The following SYNPR variants were observed in gnomAD, a reference collection of about 807,000 sequenced individuals.
SYNPR encodes the protein synaptoporin.
In SYNPR, 23 loss-of-function variants were observed where a neutral mutation model predicts 32.9. The observed-to-expected ratio is 0.70, with a 90% CI of 0.50 to 0.99. The LOEUF is 0.99. Among genes scored for constraint, SYNPR ranks in the 50% least tolerant of loss-of-function variants. SYNPR has a pLI of 0.00. For synonymous variants in SYNPR, 146 were observed against 135.9 expected, an observed-to-expected ratio of 1.07 and a Z score of -0.52; for missense variants, 318 against 349.3, an observed-to-expected ratio of 0.91 and a Z score of 0.71.
intron 2 of SYNPR, among the ~76,000 whole-genome samples, chr3:63,315,627 G>A (rs925846655): frequency 6.6e-6 from 1 of 151,948 alleles, no homozygotes; most frequent in African/African-American, 2.4e-5. Flanking sequence ...ATCAGTTTTA[G>A]GAGCTTTCTG....
intron 2 of SYNPR, among the ~76,000 whole-genome samples, chr3:63,372,497 G>A (rs546383503): frequency 6.6e-6 from 1 of 152,140 alleles, no homozygotes; most frequent in Non-Finnish European, 1.5e-5. Context: ...GCAAGCTGCA[G>A]TTGTCCTAAG....
At chr3:63,435,347 G>A (rs1034647025) in intron 2 of SYNPR, among the ~76,000 whole-genome samples, 9 of 152,202 alleles carry the variant, frequency 5.9e-5, no homozygotes, top group Non-Finnish European at 8.8e-5. Context: ...CATGAACAGC[G>A]CTTAGGCTGA....
chr3:63,315,031 G>C (rs1248854927), intron 2 of SYNPR, among the ~76,000 whole-genome samples: 1 of 151,974 alleles, frequency 6.6e-6, no homozygotes, highest in Non-Finnish European at 1.5e-5. Context: ...CTTTGTCAAA[G>C]TTCAGTTGGC....
chr3:63,300,658 A>T (rs1015620228), intron 2 of SYNPR, among the ~76,000 whole-genome samples: 4 of 152,098 alleles, frequency 2.6e-5, no homozygotes, highest in Non-Finnish European at 4.4e-5. Flanking sequence ...GCCCATAGCC[A>T]GTAACAGTCT....
intron 2 of SYNPR, among the ~76,000 whole-genome samples, chr3:63,373,615 T>C (rs2087847478): frequency 6.6e-6 from 1 of 152,070 alleles, no homozygotes; most frequent in African/African-American, 2.4e-5. Context: ...ATTGGTAACG[T>C]TGAAAGTGAT....
chr3:63,531,863 G>A (rs956187843), intron 3 of SYNPR, among the ~76,000 whole-genome samples: 1 of 152,038 alleles, frequency 6.6e-6, no homozygotes, highest in Non-Finnish European at 1.5e-5. Context: ...ACTGGTGTTG[G>A]GGAAATGAGA....
chr3:63,475,926 C>T (rs528931694), intron 2 of SYNPR, among the ~76,000 whole-genome samples: 1 of 152,160 alleles, frequency 6.6e-6, no homozygotes, highest in South Asian at 2.1e-4. Flanking sequence ...CATTAATGGC[C>T]TCTCGAGCAT....
Position 63,408,265 on chromosome 3 carries a change from GAAAGAAAGAAAGAGGAAGGAAGGA to G in SYNPR, c.85-72565_85-72542del, listed in dbSNP as rs1338939390. 5.0e-5 allele frequency among the ~76,000 whole-genome samples: 6 copies of G among 119,564 alleles called. 1 individual carries two copies. Among genetic ancestry groups the G allele is most frequent in the African/African-American group, 2.2e-4 (6 of 27,756 alleles). 78.4% of individuals were successfully genotyped at this position (119,564 alleles called of 152,430 possible). On this transcript the variant is annotated intron_variant, in intron 2 of 5. Coordinates refer to ENST00000478300, the MANE Select transcript of SYNPR (RefSeq NM_001130003.2). ...AGAAAGAAAGAAAGAAAGAAAGAAA[GAAAGAAAGAAAGAGGAAGGAAGGA>G]AGGAAGGAAGGAAGGAAGGAAGGAA...
At chr3:63,598,639 A>T (rs1319369975) in intron 4 of SYNPR, among the ~76,000 whole-genome samples, 3 of 152,138 alleles carry the variant, frequency 2.0e-5, no homozygotes, top group Non-Finnish European at 4.4e-5. Context: ...CAGTTTCTTC[A>T]TCTGTAGTAT....
intron 2 of SYNPR, among the ~76,000 whole-genome samples, chr3:63,355,424 G>A (rs2087564704): frequency 1.3e-5 from 2 of 152,130 alleles, no homozygotes. Flanking sequence ...CAGATTTCCA[G>A]AGCTAGGGTA....
chr3:63,277,084 CCTT>C (rs1325643759), upstream of SYNPR, among the ~76,000 whole-genome samples: 5 of 152,066 alleles, frequency 3.3e-5, no homozygotes, highest in African/African-American at 9.7e-5. Context: ...GCTCTCCTCT[CCTT>C]CTTCTTCTTC....
At chr3:63,364,605 G>T (rs182257547) in intron 2 of SYNPR, among the ~76,000 whole-genome samples, 3 of 152,322 alleles carry the variant, frequency 2.0e-5, no homozygotes, top group Admixed American at 2.0e-4. Context: ...TTAATTGGTT[G>T]AATTATCCAG....
At chr3:63,366,785 A>C (rs1168236252) in intron 2 of SYNPR, among the ~76,000 whole-genome samples, 1 of 152,218 alleles carries the variant, frequency 6.6e-6, no homozygotes, top group Non-Finnish European at 1.5e-5. Context: ...TTCATTCTTT[A>C]TAACACCTAG....
At chr3:63,231,119 G>A (rs116712947) in intron 1 of SYNPR, among the ~76,000 whole-genome samples, 3,193 of 152,154 alleles carry the variant, frequency 0.021, 100 homozygotes, top group African/African-American at 0.072. Context: ...ACCAACAAGT[G>A]GATAAAGGAA....
At chr3:63,461,664 T>A (rs1397636702) in intron 2 of SYNPR, among the ~76,000 whole-genome samples, 2 of 151,838 alleles carry the variant, frequency 1.3e-5, no homozygotes, top group Non-Finnish European at 1.5e-5. Flanking sequence ...AATGTATGGA[T>A]GCAGTTCAAG....
At chr3:63,567,611 G>C (rs911682701) in intron 4 of SYNPR, among the ~76,000 whole-genome samples, 1 of 152,134 alleles carries the variant, frequency 6.6e-6, no homozygotes, top group African/African-American at 2.4e-5. Flanking sequence ...TCAAACAGTT[G>C]GCACAAAGTT....
At chr3:63,515,485 T>C (rs1701779099) in intron 3 of SYNPR, among the ~76,000 whole-genome samples, 1 of 152,134 alleles carries the variant, frequency 6.6e-6, no homozygotes. Flanking sequence ...CTCTTATTCT[T>C]TTTCTCCCTC....
At chr3:63,443,593 T>TAATA in intron 2 of SYNPR, 1 of 1,070,806 alleles carries the variant, frequency 9.3e-7, no homozygotes, top group South Asian at 1.7e-5. Context: ...AAGTCTCTAG[T>TAATA]AATAATCTCT....
intron 3 of SYNPR, among the ~76,000 whole-genome samples, chr3:63,547,150 A>G (rs542982014): frequency 2.6e-5 from 4 of 152,190 alleles, no homozygotes; most frequent in Admixed American, 2.0e-4. Flanking sequence ...TTGATATTGG[A>G]TAAATTCTAG....
Sources: allele counts gnomAD v4.1 joint callset (sites outside exome capture counted in the v4.1 genomes callset), GRCh38; gene constraint gnomAD v4.1.1; transcripts MANE v1.5; gene names NCBI Gene and HGNC (gene_info 2026-07-23, HGNC 2026-07-21).